Variants in ARNT2 observed in about 807,000 individuals in gnomAD.
ARNT2 encodes aryl hydrocarbon receptor nuclear translocator 2, also known as ARNT protein 2.
A neutral mutation model predicts 91.7 loss-of-function variants in ARNT2; 36 were observed. The observed-to-expected ratio is 0.39, with a 90% CI of 0.30 to 0.52. ARNT2 has a LOEUF of 0.52. Among genes scored for constraint, ARNT2 ranks in the 20% least tolerant of loss-of-function variants. The pLI, the probability that ARNT2 is intolerant of heterozygous loss-of-function variation, is 0.72. For synonymous variants in ARNT2, 365 were observed against 347.1 expected (o/e 1.05, Z -0.57); for missense variants, 775 against 939.3 (o/e 0.83, Z 2.29).
chr15:80,556,736 T>C (rs987316115), intron 11 of ARNT2: 4 of 152,100 alleles, frequency 2.6e-5, no homozygotes, highest in African/African-American at 9.7e-5. Flanking sequence ...TCGGAGGAGG[T>C]AGGCATCATC....
In ARNT2 at chr15:80,535,708, T is replaced by C. The variant is rs1897811172; in HGVS notation, c.878-15491T>C. ...TGTCTTTGTCTTTTAATTTTGCTTA[T>C]GTTGTTTTGCATCACACAGGTTTTT... On this transcript the variant is annotated intron_variant, in intron 8 of 18. Transcript: ENST00000303329. Among the ~76,000 whole-genome samples the C allele has an allele frequency of 2.7e-5, 4 of 150,120 alleles. No homozygotes were observed. In the South Asian group the frequency reaches 8.4e-4, roughly 32 times the overall value.
At chr15:80,570,222 A>G (rs1898561006) in intron 12 of ARNT2, among the ~76,000 whole-genome samples, 1 of 152,098 alleles carries the variant, frequency 6.6e-6, no homozygotes, top group Non-Finnish European at 1.5e-5. Flanking sequence ...CATCAATTAC[A>G]TTCTAGCCAT....
chr15:80,460,218 C>A (rs1325648408), intron 3 of ARNT2, among the ~76,000 whole-genome samples: 1 of 152,214 alleles, frequency 6.6e-6, no homozygotes, highest in Non-Finnish European at 1.5e-5. Flanking sequence ...GTGCCATCAG[C>A]TTTTCCAGCT....
At chr15:80,579,547 A>G (rs1898753108) in intron 15 of ARNT2, among the ~76,000 whole-genome samples, 1 of 152,124 alleles carries the variant, frequency 6.6e-6, no homozygotes, top group Non-Finnish European at 1.5e-5. Flanking sequence ...GCCTTCTGTG[A>G]TGAGCCCCAT....
At chr15:80,428,106 C>T (rs972245133) in intron 1 of ARNT2, among the ~76,000 whole-genome samples, 3 of 152,192 alleles carry the variant, frequency 2.0e-5, no homozygotes, top group African/African-American at 4.8e-5. Context: ...ACAATAAAAA[C>T]GGTACTTGCT....
intron 1 of ARNT2, among the ~76,000 whole-genome samples, chr15:80,410,439 T>C (rs1189518307): frequency 6.6e-6 from 1 of 152,166 alleles, no homozygotes; most frequent in Non-Finnish European, 1.5e-5. Context: ...GGCTTCAGTA[T>C]TGGACAGCTG....
At chr15:80,584,676 C>T (rs1320440043) in intron 17 of ARNT2, among the ~76,000 whole-genome samples, 2 of 152,238 alleles carry the variant, frequency 1.3e-5, no homozygotes, top group Non-Finnish European at 2.9e-5. Context: ...CCTAGCCCAG[C>T]GTGGGCACAT....
At position 80,423,840 on chromosome 15, in the gene ARNT2, A is replaced by C. The variant is rs566375412; in HGVS notation, c.31+19294A>C. Reference sequence around the variant, plus strand: ...TCAAGATTCTTTCAGCTCCAAAGACAGACAGCCCAGTTCAAACTAACTCTT... The same window carrying C: ...TCAAGATTCTTTCAGCTCCAAAGACCGACAGCCCAGTTCAAACTAACTCTT... On this transcript the variant is annotated intron_variant, in intron 1 of 18. Transcript: ENST00000303329. Among the ~76,000 whole-genome samples, 141 of 152,298 alleles carry C rather than the reference A, an allele frequency of 9.3e-4. 2 individuals carry two copies. Among genetic ancestry groups the C allele is most frequent in the African/African-American group, 3.3e-3 (136 of 41,556 alleles).
At chr15:80,519,747 G>A (rs143945555) in intron 8 of ARNT2, among the ~76,000 whole-genome samples, 10 of 148,210 alleles carry the variant, frequency 6.7e-5, no homozygotes, top group African/African-American at 1.0e-4. Flanking sequence ...GTGCAGTGGC[G>A]CAATCTCTGG....
In ARNT2 at chr15:80,456,498, A is replaced by T. The variant is rs151289623; in HGVS notation, c.147-1431A>T. On this transcript the variant is annotated intron_variant, in intron 2 of 18. Coordinates refer to ENST00000303329, the MANE Select transcript of ARNT2 (RefSeq NM_014862.4). ...GCCAAGATTAGGACTTTGGCTACGC[A>T]GTACATAAAACAAAACAAAAACAAA... 7.3e-3 allele frequency among the ~76,000 whole-genome samples: 1,114 copies of T among 152,320 alleles called. 16 individuals carry two copies. Among genetic ancestry groups the T allele is most frequent in the African/African-American group, 0.026 (1,071 of 41,562 alleles).
chr15:80,464,753 C>T (rs1896625583), intron 3 of ARNT2, among the ~76,000 whole-genome samples: 1 of 152,210 alleles, frequency 6.6e-6, no homozygotes, highest in Non-Finnish European at 1.5e-5. Context: ...CTTCATGGCT[C>T]TTACAATGCC....
intron 1 of ARNT2, chr15:80,443,125 T>C (rs1896220480): frequency 7.2e-6 from 5 of 692,088 alleles, no homozygotes; most frequent in Admixed American, 6.3e-5. Flanking sequence ...GAGCAAAATC[T>C]AAATGACTGT....
intron 1 of ARNT2, among the ~76,000 whole-genome samples, chr15:80,418,195 T>G (rs937520534): frequency 1.1e-4 from 17 of 152,186 alleles, no homozygotes; most frequent in African/African-American, 3.9e-4. Flanking sequence ...GGGTCTGTCA[T>G]GGACCAGCAA....
chr15:80,475,250 G>A (rs1896784108), intron 5 of ARNT2, 27 bp downstream of exon 5: 1 of 1,611,104 alleles, frequency 6.2e-7, no homozygotes. Context: ...TTATGAGGCT[G>A]TTTGACTCTA....
At chr15:80,454,423 T>G (rs1211920151) in intron 2 of ARNT2, among the ~76,000 whole-genome samples, 1 of 152,168 alleles carries the variant, frequency 6.6e-6, no homozygotes, top group East Asian at 1.9e-4. Context: ...ATAGCATCAC[T>G]GAGGAAAAAC....
At chr15:80,582,327 A>G (rs1332935467) in intron 17 of ARNT2, among the ~76,000 whole-genome samples, 1 of 145,898 alleles carries the variant, frequency 6.9e-6, no homozygotes, top group African/African-American at 2.6e-5. Flanking sequence ...CCCTGTCTCT[A>G]CAAAAAAAAA....
intron 5 of ARNT2, among the ~76,000 whole-genome samples, chr15:80,483,952 G>A (rs1200242933): frequency 6.6e-6 from 1 of 152,196 alleles, no homozygotes; most frequent in Non-Finnish European, 1.5e-5. Flanking sequence ...TGATCCCACA[G>A]GGGTCCTGTG....
intron 18 of ARNT2, among the ~76,000 whole-genome samples, chr15:80,592,217 T>C (rs1174499066): frequency 6.6e-6 from 1 of 152,160 alleles, no homozygotes; most frequent in African/African-American, 2.4e-5. Flanking sequence ...CTTGAAACTC[T>C]CCATTATTTG....
chr15:80,558,242 T>G (rs1245776429), intron 11 of ARNT2, among the ~76,000 whole-genome samples: 1 of 152,160 alleles, frequency 6.6e-6, no homozygotes, highest in Non-Finnish European at 1.5e-5. Flanking sequence ...TAGCAACTAT[T>G]TATTTGTCCA....
Sources: gnomAD v4.1 joint callset for allele counts (sites outside exome capture counted in the v4.1 genomes callset) on GRCh38, gnomAD v4.1.1 for gene constraint, MANE v1.5 for transcripts, NCBI Gene and HGNC (gene_info 2026-07-23, HGNC 2026-07-21) for gene names.